PCDHA3: variants seen among roughly 807,000 people sequenced by gnomAD.
PCDHA3 encodes the protein protocadherin alpha 3.
In PCDHA3, 41 loss-of-function variants were observed where a neutral mutation model predicts 62.2. The ratio of observed to expected loss-of-function variants is 0.66; its 90% CI spans 0.51 to 0.86. PCDHA3 has a LOEUF of 0.86. Among genes scored for constraint, PCDHA3 ranks in the 40% least tolerant of loss-of-function variants. The probability of loss-of-function intolerance (pLI) is 0.00; values close to 1 mark genes in which losing one functional copy is unlikely to be tolerated. For synonymous variants in PCDHA3, 640 were observed against 555.4 expected (o/e 1.15, Z -2.14); for missense variants, 1,304 against 1,241.2 (o/e 1.05, Z -0.76).
At chr5:140,877,414 C>T (rs1554169712) in intron 1 of PCDHA3, 22 of 1,613,930 alleles carry the variant, frequency 1.4e-5, no homozygotes, top group Non-Finnish European at 1.8e-5. Context: ...CCACCGCCTG[C>T]TGGTGCTGGT....
chr5:140,854,158 T>C, intron 1 of PCDHA3: 3 of 123,422 alleles, frequency 2.4e-5, no homozygotes, highest in Non-Finnish European at 3.1e-5. Flanking sequence ...AGATTCTGTC[T>C]CAAAAAAAAA....
intron 1 of PCDHA3, among the ~76,000 whole-genome samples, chr5:140,901,408 T>A (rs2068650771): frequency 6.6e-6 from 1 of 152,190 alleles, no homozygotes; most frequent in African/African-American, 2.4e-5. Flanking sequence ...GAGATAGGGG[T>A]CTAGTTTCAT....
In PCDHA3 at chr5:140,803,554, A is replaced by G; in HGVS notation, c.2357A>G (p.Glu786Gly). ...CCTTGTCCAATTAGCCGGGATAGAG[A>G]GGAGAAACAGGATGTGGACGTTGAT... is the stretch of plus-strand genomic sequence containing the variant. Reference protein sequence around the residue: ...LPPCPISRDREEKQDVDVDLS... With the variant: ...LPPCPISRDRGEKQDVDVDLS... The change falls in exon 1 of 4, where the codon GAG becomes GGG. Residue 786 changes from glutamate to glycine, a missense_variant. Glu to Gly is a moderately conservative substitution (Grantham distance 98). Transcript: ENST00000522353. 2 of 1,614,202 alleles carry G rather than the reference A, an allele frequency of 1.2e-6. No homozygotes were observed. Among genetic ancestry groups the G allele is most frequent in the South Asian group, 1.1e-5 (1 of 91,088 alleles).
intron 3 of PCDHA3, among the ~76,000 whole-genome samples, chr5:141,006,214 TTA>T (rs2098261511): frequency 6.6e-6 from 1 of 152,046 alleles, no homozygotes; most frequent in South Asian, 2.1e-4. Flanking sequence ...TCATTTTTTT[TTA>T]AATTTTTTAT....
intron 1 of PCDHA3, among the ~76,000 whole-genome samples, chr5:140,885,133 T>G (rs2060482847): frequency 6.6e-6 from 1 of 152,216 alleles, no homozygotes; most frequent in Admixed American, 6.5e-5. Context: ...CTTTCTTTCT[T>G]TTTTTAAACT....
At chr5:140,929,319 T>C in intron 1 of PCDHA3, 1 of 1,545,486 alleles carries the variant, frequency 6.5e-7, no homozygotes, top group Non-Finnish European at 8.7e-7. Flanking sequence ...CTAATGTCAA[T>C]GCCATGGTAA....
intron 1 of PCDHA3, chr5:140,928,604 C>T: frequency 6.2e-7 from 1 of 1,614,198 alleles, no homozygotes; most frequent in Non-Finnish European, 8.5e-7. Context: ...GAAATTGTGC[C>T]CCGCTCTGCC....
chr5:140,822,971 C>T, intron 1 of PCDHA3: 1 of 1,614,236 alleles, frequency 6.2e-7, no homozygotes. Context: ...CTGGTGTCCA[C>T]CTTCAAGAAT....
intron 1 of PCDHA3, among the ~76,000 whole-genome samples, chr5:140,942,264 G>T (rs868983277): frequency 5.9e-5 from 9 of 152,122 alleles, no homozygotes; most frequent in Non-Finnish European, 1.2e-4. Flanking sequence ...GATATCTAAA[G>T]CTGGTAATGG....
At chr5:140,968,036 A>T in intron 1 of PCDHA3, 1 of 1,614,160 alleles carries the variant, frequency 6.2e-7, no homozygotes, top group Non-Finnish European at 8.5e-7. Context: ...ACTGGTGGTG[A>T]GCGGCCCACT....
chr5:140,941,202 C>CCTTCCTTTCTTTCTTTCTTTCTTT (rs1554213920), intron 1 of PCDHA3, among the ~76,000 whole-genome samples: 8 of 122,742 alleles, frequency 6.5e-5, no homozygotes, highest in Non-Finnish European at 1.1e-4. Flanking sequence ...TTTCTTTCTT[C>CCTTCCTTTCTTTCTTTCTTTCTTT]CTTTCTTTCT....
intron 1 of PCDHA3, chr5:140,864,535 C>G (rs535465437): frequency 1.3e-5 from 2 of 152,242 alleles, no homozygotes; most frequent in South Asian, 2.1e-4. Flanking sequence ...TAATTTTTGT[C>G]TTCAATCTTC....
rs2150138849 is a variant in PCDHA3, at chr5:140,825,337, T to C, written c.2394+21746T>C. On this transcript the variant is annotated intron_variant, in intron 1 of 3. Transcript: ENST00000522353. Reference sequence around the variant, plus strand: ...AATTTTCTGGAAATTTGCATATTTTTCAATATATCTAATATATATTAGATA... The same window carrying C: ...AATTTTCTGGAAATTTGCATATTTTCCAATATATCTAATATATATTAGATA... 3 of 148,006 alleles carry C rather than the reference T, an allele frequency of 2.0e-5. No individual in the cohort carries two copies. In the East Asian group the frequency reaches 5.8e-4, roughly 29 times the overall value. 9.2% of individuals were successfully genotyped at this position (148,006 alleles called of 1,614,324 possible). A position where few individuals can be genotyped will look rare whatever the true frequency, so the allele number is the denominator to read the frequency against.
chr5:140,928,409 C>A (rs782636217), intron 1 of PCDHA3: 2 of 1,613,912 alleles, frequency 1.2e-6, no homozygotes, highest in Non-Finnish European at 8.5e-7. Context: ...TCCAGTGGGG[C>A]CATCACTGCC....
rs1554174004 is a variant in PCDHA3, at chr5:140,882,408, G to C, written c.2394+78817G>C. On this transcript the variant is annotated intron_variant, in intron 1 of 3. Coordinates refer to ENST00000522353, the MANE Select transcript of PCDHA3 (RefSeq NM_018906.3). Reference sequence around the variant, plus strand: ...GCAAAACACGGCACCTTCGTGGGCCGCATCGCTCAGGACCTGGGGCTGGAG... The same window carrying C: ...GCAAAACACGGCACCTTCGTGGGCCCCATCGCTCAGGACCTGGGGCTGGAG... The C allele has an allele frequency of 3.1e-6, 5 of 1,614,138 alleles. No homozygotes were observed. The highest frequency in any genetic ancestry group is 3.3e-5 in the Admixed American group (2 of 60,036).
Position 140,851,725 on chromosome 5 carries a change from G to A in PCDHA3, c.2394+48134G>A. On this transcript the variant is annotated intron_variant, in intron 1 of 3. Coordinates refer to ENST00000522353, the MANE Select transcript of PCDHA3 (RefSeq NM_018906.3). The stretch of plus-strand genomic sequence containing the variant: ...GCCATGTGAAGATTCGAAACTTCGA[G>A]TTCTTTTGAAATTCAGAGTCTGTAA... 2.1e-6 allele frequency: 2 copies of A among 968,614 alleles called. 1 individual carries two copies. The highest frequency in any genetic ancestry group is 9.6e-5 in the South Asian group (2 of 20,926). The allele number at this position is 968,614 out of a possible 1,614,324, so 60.0% of individuals were successfully genotyped here.
chr5:140,884,355 T>C, intron 1 of PCDHA3: 1 of 1,613,922 alleles, frequency 6.2e-7, no homozygotes, highest in Admixed American at 1.7e-5. Context: ...CTGGTGGATG[T>C]CAATGTTTAC....
At chr5:140,967,150 C>G (rs1400431511) in intron 1 of PCDHA3, 1 of 1,610,886 alleles carries the variant, frequency 6.2e-7, no homozygotes, top group African/African-American at 1.3e-5. Context: ...CGCACAACCC[C>G]GTGGCGGTGA....
chr5:140,971,487 C>G (rs1285006281), intron 1 of PCDHA3, among the ~76,000 whole-genome samples: 1 of 152,110 alleles, frequency 6.6e-6, no homozygotes, highest in African/African-American at 2.4e-5. Flanking sequence ...CACATTGTTA[C>G]AGTGTGGCAA....
Sources: allele counts gnomAD v4.1 joint callset (sites outside exome capture counted in the v4.1 genomes callset), GRCh38; gene constraint gnomAD v4.1.1; transcripts MANE v1.5; gene names NCBI Gene and HGNC (gene_info 2026-07-23, HGNC 2026-07-21).